LRRC1: variants seen among roughly 807,000 people sequenced by gnomAD.
The protein encoded by LRRC1 is leucine rich repeat containing 1.
In LRRC1, 28 loss-of-function variants were observed where a neutral mutation model predicts 69.9. The ratio of observed to expected loss-of-function variants is 0.40; its 90% CI spans 0.30 to 0.55. LRRC1 has a LOEUF of 0.55. Among genes scored for constraint, LRRC1 ranks in the 20% least tolerant of loss-of-function variants. The pLI is 0.47. For synonymous variants in LRRC1, 236 were observed against 240.2 expected, an observed-to-expected ratio of 0.98 and a Z score of 0.16; for missense variants, 498 against 609.0, an observed-to-expected ratio of 0.82 and a Z score of 1.92.
chr6:53,818,093 C>T (rs758475625), intron 1 of LRRC1, among the ~76,000 whole-genome samples: 62 of 152,154 alleles, frequency 4.1e-4, no homozygotes, highest in Non-Finnish European at 6.6e-4. Flanking sequence ...TTTTCCAGGT[C>T]TGTGCTTCCT....
chr6:53,857,461 G>A (rs1766348576), intron 2 of LRRC1, among the ~76,000 whole-genome samples: 2 of 152,146 alleles, frequency 1.3e-5, no homozygotes, highest in Non-Finnish European at 2.9e-5. Flanking sequence ...CGTTGTCATC[G>A]GTGAAACTGC....
intron 4 of LRRC1, among the ~76,000 whole-genome samples, chr6:53,883,283 A>C (rs1767361433): frequency 1.3e-5 from 2 of 152,196 alleles, no homozygotes; most frequent in South Asian, 4.1e-4. Context: ...TGTGTCATGT[A>C]GGTGGTCAGT....
intron 4 of LRRC1, among the ~76,000 whole-genome samples, chr6:53,890,963 A>T (rs1005384532): frequency 1.3e-5 from 2 of 152,238 alleles, no homozygotes; most frequent in Non-Finnish European, 2.9e-5. Context: ...CAAGTGGGTT[A>T]AAAAGGGTTT....
chr6:53,842,550 T>A (rs1765824922), intron 2 of LRRC1, among the ~76,000 whole-genome samples: 2 of 152,210 alleles, frequency 1.3e-5, no homozygotes, highest in Non-Finnish European at 2.9e-5. Context: ...TTTCTCCAAA[T>A]AAGTTCAATC....
chr6:53,910,484 G>A (rs1768373376), intron 10 of LRRC1, among the ~76,000 whole-genome samples: 1 of 152,184 alleles, frequency 6.6e-6, no homozygotes. Context: ...TCGTTAGGGA[G>A]ATGGGTTTTT....
chr6:53,891,491 AT>A (rs1425582036), intron 4 of LRRC1, among the ~76,000 whole-genome samples: 2 of 151,836 alleles, frequency 1.3e-5, no homozygotes. Flanking sequence ...AGTGCCAGAT[AT>A]ATATGTATAG....
chr6:53,851,393 G>A (rs899794574), intron 2 of LRRC1, among the ~76,000 whole-genome samples: 10 of 152,032 alleles, frequency 6.6e-5, no homozygotes, highest in African/African-American at 2.2e-4. Context: ...GGGAAGCCAG[G>A]GGTGGAAATT....
intron 2 of LRRC1, among the ~76,000 whole-genome samples, chr6:53,868,660 TGTGA>T (rs1229315583): frequency 2.6e-5 from 4 of 152,158 alleles, no homozygotes; most frequent in African/African-American, 9.7e-5. Flanking sequence ...AAGTTGGAGG[TGTGA>T]GTATCATCTT....
At position 53,896,802 on chromosome 6, in the gene LRRC1, G is replaced by A. The variant is rs140979253; in HGVS notation, c.504-27G>A. ...CTCAGCATTTCTAAGTATTCTCTAA[G>A]TGCTCTTTATTTATTTTTTAAAATA... On this transcript the variant is annotated intron_variant, in intron 5 of 13. Transcript: ENST00000370888. The A allele has an allele frequency of 4.3e-4, 621 of 1,436,664 alleles. 1 individual carries two copies. The highest frequency in any genetic ancestry group is 8.9e-4 in the Admixed American group (52 of 58,670). 89.0% of individuals were successfully genotyped at this position (1,436,664 alleles called of 1,614,324 possible). A position where few individuals can be genotyped will look rare whatever the true frequency, so the allele number is the denominator to read the frequency against.
chr6:53,801,565 C>A (rs541543222), intron 1 of LRRC1, among the ~76,000 whole-genome samples: 1 of 147,702 alleles, frequency 6.8e-6, no homozygotes, highest in East Asian at 1.9e-4. Flanking sequence ...TCTCAGATAC[C>A]CTGTTACTAT....
chr6:53,855,858 C>T (rs1434725707), intron 2 of LRRC1, among the ~76,000 whole-genome samples: 1 of 152,180 alleles, frequency 6.6e-6, no homozygotes, highest in East Asian at 1.9e-4. Flanking sequence ...TCTTCCTCCT[C>T]ATCAGGGCCC....
At chr6:53,906,779 T>G (rs1017172874) in intron 10 of LRRC1, among the ~76,000 whole-genome samples, 3 of 152,258 alleles carry the variant, frequency 2.0e-5, no homozygotes, top group Non-Finnish European at 2.9e-5. Flanking sequence ...TGATTGGTTT[T>G]CTGGCTTCTG....
At chr6:53,851,057 A>C (rs1370418471) in intron 2 of LRRC1, among the ~76,000 whole-genome samples, 1 of 151,974 alleles carries the variant, frequency 6.6e-6, no homozygotes, top group Non-Finnish European at 1.5e-5. Flanking sequence ...ATTGATGACC[A>C]CTAGATCATC....
At chr6:53,818,477 A>G (rs1204746529) in intron 1 of LRRC1, among the ~76,000 whole-genome samples, 1 of 152,254 alleles carries the variant, frequency 6.6e-6, no homozygotes, top group African/African-American at 2.4e-5. Flanking sequence ...GTACATACAT[A>G]CTATGGCTGT....
chr6:53,920,301 C>T (rs1014971025), intron 12 of LRRC1, among the ~76,000 whole-genome samples: 2 of 152,116 alleles, frequency 1.3e-5, no homozygotes, highest in Non-Finnish European at 2.9e-5. Context: ...ATAAAATAAG[C>T]ATTTTAAAAG....
chr6:53,875,084 A>G (rs1056687793), intron 2 of LRRC1, among the ~76,000 whole-genome samples: 2 of 152,202 alleles, frequency 1.3e-5, no homozygotes, highest in African/African-American at 4.8e-5. Flanking sequence ...CAGGCTGATG[A>G]AAGTATAAGT....
intron 1 of LRRC1, among the ~76,000 whole-genome samples, chr6:53,797,500 A>G (rs1392908364): frequency 2.6e-5 from 4 of 151,960 alleles, no homozygotes; most frequent in African/African-American, 9.7e-5. Context: ...CACCTCTGAG[A>G]TCTGTATAAC....
At chr6:53,913,558 A>G (rs193165875) in intron 10 of LRRC1, among the ~76,000 whole-genome samples, 1 of 152,220 alleles carries the variant, frequency 6.6e-6, no homozygotes, top group Non-Finnish European at 1.5e-5. Context: ...GTTGCGTTAG[A>G]TATCAGCAGT....
At chr6:53,873,458 A>ATTT (rs35667628) in intron 2 of LRRC1, among the ~76,000 whole-genome samples, 2 of 140,158 alleles carry the variant, frequency 1.4e-5, no homozygotes, top group East Asian at 2.1e-4. Context: ...CGCCCGGCTA[A>ATTT]TTTTTTTTTT....
Sources: gnomAD v4.1 joint callset for allele counts (sites outside exome capture counted in the v4.1 genomes callset) on GRCh38, gnomAD v4.1.1 for gene constraint, MANE v1.5 for transcripts, NCBI Gene and HGNC (gene_info 2026-07-23, HGNC 2026-07-21) for gene names.